Variants in SOX6 observed in about 807,000 individuals in gnomAD.
SOX6 encodes transcription factor SOX-6.
Under a neutral mutation model 97.8 loss-of-function variants are expected in SOX6, and 11 were observed. The observed-to-expected ratio is 0.11, with a 90% CI of 0.07 to 0.19. The LOEUF (loss-of-function observed/expected upper bound fraction) is 0.19. Among genes scored for constraint, SOX6 ranks in the 10% least tolerant of loss-of-function variants. The pLI is 1.00. For missense variants in SOX6, 810 were observed against 1,039.5 expected, an observed-to-expected ratio of 0.78 and a Z score of 3.04; for synonymous variants, 360 against 371.4, an observed-to-expected ratio of 0.97 and a Z score of 0.35.
intron 3 of SOX6, among the ~76,000 whole-genome samples, chr11:16,624,184 T>TTTTATTTATTTATTTATTTA (rs142553542): frequency 0.18 from 25,855 of 147,128 alleles, 2,456 homozygotes; most frequent in Non-Finnish European, 0.18. Context: ...TATTTTTTTA[T>TTTTATTTATTTATTTATTTA]TTTATTTATT....
intron 9 of SOX6, among the ~76,000 whole-genome samples, chr11:16,090,121 A>G (rs1311286165): frequency 6.6e-6 from 1 of 152,136 alleles, no homozygotes; most frequent in East Asian, 1.9e-4. Context: ...CAAGAAATCT[A>G]TGTAAATGTA....
At chr11:16,647,534 A>G (rs1416839666) in intron 3 of SOX6, among the ~76,000 whole-genome samples, 1 of 152,228 alleles carries the variant, frequency 6.6e-6, no homozygotes, top group African/African-American at 2.4e-5. Flanking sequence ...CACATGGACA[A>G]ACAAAACAGT....
chr11:16,733,580 G>A (rs1848367693), intron 2 of SOX6, among the ~76,000 whole-genome samples: 1 of 151,576 alleles, frequency 6.6e-6, no homozygotes, highest in Admixed American at 6.6e-5. Context: ...GCCTGTTGGG[G>A]GTGGGGGGCT....
At chr11:16,722,460 T>A (rs1848274621) in intron 2 of SOX6, among the ~76,000 whole-genome samples, 1 of 152,180 alleles carries the variant, frequency 6.6e-6, no homozygotes, top group African/African-American at 2.4e-5. Flanking sequence ...AAGACCAGCC[T>A]GGCCAACATG....
intron 1 of SOX6, among the ~76,000 whole-genome samples, chr11:16,379,249 C>T (rs1857733320): frequency 6.6e-6 from 1 of 151,936 alleles, no homozygotes; most frequent in African/African-American, 2.4e-5. Context: ...GGTGGATTGC[C>T]TGAGGCTGGA....
intron 2 of SOX6, among the ~76,000 whole-genome samples, chr11:16,729,593 A>G (rs1165492944): frequency 6.6e-6 from 1 of 152,224 alleles, no homozygotes; most frequent in Non-Finnish European, 1.5e-5. Context: ...TAAACATGGA[A>G]AGGAACAACC....
intron 6 of SOX6, among the ~76,000 whole-genome samples, chr11:16,139,424 T>C (rs1184492152): frequency 6.6e-6 from 1 of 152,310 alleles, no homozygotes; most frequent in Admixed American, 6.5e-5. Context: ...TTTTATTTTT[T>C]CATTTATTCA....
intron 3 of SOX6, among the ~76,000 whole-genome samples, chr11:16,699,107 T>A (rs1009066227): frequency 4.6e-5 from 7 of 152,262 alleles, no homozygotes; most frequent in African/African-American, 1.7e-4. Context: ...CTGTATGTTC[T>A]ATGCACTGGG....
At chr11:16,334,096 C>CCCTACAGAT (rs1856389846) in intron 2 of SOX6, among the ~76,000 whole-genome samples, 2 of 151,980 alleles carry the variant, frequency 1.3e-5, no homozygotes, top group African/African-American at 4.8e-5. Context: ...GCACTACAAA[C>CCCTACAGAT]CCTAGTCATT....
Position 16,341,124 on chromosome 11 carries a change from G to C in SOX6, c.125C>G (p.Pro42Arg). 1 of 1,613,448 alleles carries C rather than the reference G, an allele frequency of 6.2e-7. No individual in the cohort carries two copies. Among genetic ancestry groups the C allele is most frequent in the East Asian group, 2.2e-5 (1 of 44,866 alleles). The change falls in exon 2 of 16, where the codon CCT becomes CGT. Residue 42 changes from proline to arginine, a missense_variant. Physicochemically the swap from Pro to Arg is moderately radical, Grantham distance 103. Around this residue, in one of 9 missense-constraint regions of SOX6, gnomAD observed 100 missense variants for 94.6 expected, o/e 1.06. Coordinates refer to ENST00000683767, the MANE Select transcript of SOX6 (RefSeq NM_001367873.1). Reference sequence around the variant, plus strand: ...TTTGTTGTGCATTATGGGGTGCAGAGGCAGATGGGAGGCCACATGTTGATC... The same window carrying C: ...TTTGTTGTGCATTATGGGGTGCAGACGCAGATGGGAGGCCACATGTTGATC... ...GSDQHVASHLPLHPIMHNKPH... is the reference protein window; with the variant it reads ...GSDQHVASHLRLHPIMHNKPH...
chr11:16,218,113 C>G (rs1385659314), intron 4 of SOX6, among the ~76,000 whole-genome samples: 1 of 152,028 alleles, frequency 6.6e-6, no homozygotes, highest in Non-Finnish European at 1.5e-5. Flanking sequence ...TTATTTTTAA[C>G]CCCCGCAAAT....
At chr11:16,341,807 T>C (rs1424073621) in intron 1 of SOX6, among the ~76,000 whole-genome samples, 1 of 152,066 alleles carries the variant, frequency 6.6e-6, no homozygotes, top group Non-Finnish European at 1.5e-5. Context: ...GTTTACACTT[T>C]GCATTATTAG....
intron 4 of SOX6, among the ~76,000 whole-genome samples, chr11:16,559,301 A>T (rs188036123): frequency 5.5e-4 from 83 of 151,754 alleles, no homozygotes; most frequent in Non-Finnish European, 5.0e-4. Context: ...GACATTACAC[A>T]GTTCACACTT....
chr11:16,068,139 A>T (rs1188124930), intron 9 of SOX6, among the ~76,000 whole-genome samples: 1 of 152,120 alleles, frequency 6.6e-6, no homozygotes, highest in Non-Finnish European at 1.5e-5. Flanking sequence ...AGGAGATGTC[A>T]TCATTTATTT....
chr11:16,122,117 A>G (rs992591493), intron 6 of SOX6, among the ~76,000 whole-genome samples: 1 of 151,994 alleles, frequency 6.6e-6, no homozygotes, highest in South Asian at 2.1e-4. Context: ...CAGAACAGCA[A>G]ATCTCAATTT....
At chr11:16,455,661 G>A (rs1266198705) in intron 1 of SOX6, among the ~76,000 whole-genome samples, 1 of 151,928 alleles carries the variant, frequency 6.6e-6, no homozygotes, top group Non-Finnish European at 1.5e-5. Context: ...TTATTTTTAG[G>A]CACCCCCAAA....
At chr11:16,638,572 C>T (rs965500189) in intron 3 of SOX6, among the ~76,000 whole-genome samples, 1 of 152,206 alleles carries the variant, frequency 6.6e-6, no homozygotes, top group African/African-American at 2.4e-5. Context: ...ACATCCTCTC[C>T]AGCACCTGTT....
chr11:16,525,151 CA>C (rs1022853645), intron 4 of SOX6, among the ~76,000 whole-genome samples: 1 of 151,966 alleles, frequency 6.6e-6, no homozygotes, highest in Non-Finnish European at 1.5e-5. Context: ...CATATGGAAC[CA>C]AAAAAGAGCC....
At position 16,156,085 on chromosome 11, in the gene SOX6, G is replaced by A. The variant is rs552563808; in HGVS notation, c.777+27801C>T. On this transcript the variant is annotated intron_variant, in intron 6 of 15. Transcript: ENST00000683767. ...TCTCACTATGAAACTGTGTGGCCTAGAGCATGTCACTTTGCCTTCTGGTCA... is the reference window on the plus strand; with the variant it reads ...TCTCACTATGAAACTGTGTGGCCTAAAGCATGTCACTTTGCCTTCTGGTCA... Among the ~76,000 whole-genome samples the A allele has an allele frequency of 5.9e-5, 9 of 152,046 alleles. No homozygotes were observed. The South Asian group carries it at 1.7e-3, about 28-fold the overall frequency.
Sources: gnomAD v4.1 joint callset for allele counts (sites outside exome capture counted in the v4.1 genomes callset) on GRCh38, gnomAD v4.1.1 for gene constraint, gnomAD v4.1.1 regional missense constraint, MANE v1.5 for transcripts, NCBI Gene and HGNC (gene_info 2026-07-23, HGNC 2026-07-21) for gene names.